EXOSC8: variants seen among roughly 807,000 people sequenced by gnomAD.
EXOSC8 encodes the protein exosome complex component RRP43.
In EXOSC8, 37 loss-of-function variants were observed where a neutral mutation model predicts 39.9. That is an observed-to-expected ratio of 0.93 (90% CI 0.71 to 1.22). The LOEUF is 1.22. Among genes scored for constraint, EXOSC8 ranks in the 50% most tolerant of loss-of-function variants. EXOSC8 has a pLI of 0.00. For missense variants in EXOSC8, 313 were observed against 326.6 expected (o/e 0.96, Z 0.32); for synonymous variants, 93 against 109.5 (o/e 0.85, Z 0.94).
At chr13:37,009,086 T>TGAC in intron 10 of EXOSC8, 98 bp from the exon 11 acceptor site, 1 of 803,324 alleles carries the variant, frequency 1.2e-6, no homozygotes, top group Non-Finnish European at 2.0e-6. Context: ...CTGATTTACA[T>TGAC]TATCCAATTT....
rs759103116 is a variant in EXOSC8, at chr13:37,002,530, A to G, written c.97A>G (p.Arg33Gly). Residue 33 changes from arginine to glycine, a missense_variant, in exon 3 of 11, where the codon AGA (arginine) becomes GGA (glycine). Coordinates refer to ENST00000389704, the MANE Select transcript of EXOSC8 (RefSeq NM_181503.3). ...RPDGRELGEF[R>G]TTTVNIGSIS... ...TGATGGAAGAGAACTTGGTGAATTCAGAACCACAACTGTCAACATCGGTAA... is the reference window on the plus strand; with the variant it reads ...TGATGGAAGAGAACTTGGTGAATTCGGAACCACAACTGTCAACATCGGTAA... 1 of 1,593,022 alleles carries G rather than the reference A, an allele frequency of 6.3e-7. No individual in the cohort carries two copies. The highest frequency in any genetic ancestry group is 8.6e-7 in the Non-Finnish European group (1 of 1,168,376).
rs775590997 is a variant in EXOSC8 at position 37,008,076 on chromosome 13, T to A, written c.507T>A (p.Thr169=). Residue 169 remains threonine (T), a synonymous_variant, in exon 9 of 11, where the codon ACT becomes ACA. Transcript: ENST00000389704. ...ALKNVQLPEV[T]INEETALAEV... is the part of the protein sequence containing the mutation. ...TCTTAGTACAGTTGCCTGAAGTTAC[T>A]ATAAATGAAGAAACTGCTTTAGCAG... The A allele has an allele frequency of 5.6e-6, 9 of 1,597,006 alleles. 1 individual carries two copies. In the South Asian group the frequency reaches 1.0e-4, roughly 18 times the overall value.
intron 4 of EXOSC8, chr13:37,003,708 A>G (rs948219993): frequency 6.6e-5 from 10 of 152,282 alleles, no homozygotes; most frequent in Admixed American, 2.6e-4. Flanking sequence ...TAACAGGTCT[A>G]TCTCATTTGG....
chr13:37,009,160 A>G, intron 10 of EXOSC8, 24 bp from the exon 11 acceptor site: 1 of 1,443,226 alleles, frequency 6.9e-7, no homozygotes, highest in Middle Eastern at 1.8e-4. Flanking sequence ...TGAGATTAAA[A>G]GTATTGGCAA....
chr13:37,001,998 G>A (rs1283319886), intron 1 of EXOSC8, among the ~76,000 whole-genome samples: 1 of 152,052 alleles, frequency 6.6e-6, no homozygotes, highest in Non-Finnish European at 1.5e-5. Context: ...TTGTTTCAGA[G>A]CAAGAACGAC....
chr13:37,006,891 T>G, intron 7 of EXOSC8, 84 bp from the exon 8 acceptor site: 1 of 804,164 alleles, frequency 1.2e-6, no homozygotes, highest in African/African-American at 1.7e-5. Context: ...TAACCAAGGG[T>G]TCTGTGGTTC....
Position 37,009,254 on chromosome 13 carries a change from T to C in EXOSC8, c.786T>C (p.Val262=), listed in dbSNP as rs775092987. ...MSRAVTRHKE[V]KKLMDEVIKS... ...GAGCAGTTACAAGACACAAAGAAGTTAAAAAACTGATGGATGAAGTAATTA... is the reference window on the plus strand; with the variant it reads ...GAGCAGTTACAAGACACAAAGAAGTCAAAAAACTGATGGATGAAGTAATTA... The change falls in exon 11 of 11, where the codon GTT becomes GTC. Residue 262 remains valine (V), a synonymous_variant. Transcript: ENST00000389704. 1 of 1,613,104 alleles carries C rather than the reference T, an allele frequency of 6.2e-7. No homozygotes were observed. The highest frequency in any genetic ancestry group is 8.5e-7 in the Non-Finnish European group (1 of 1,179,298).
At chr13:37,002,219 TTTATG>T (rs1188956062) in intron 1 of EXOSC8, 49 bp from the exon 2 acceptor site, 6 of 1,370,706 alleles carry the variant, frequency 4.4e-6, no homozygotes, top group Non-Finnish European at 6.2e-6. Context: ...AATTTCTGGA[TTTATG>T]TTAAGATTCA....
intron 9 of EXOSC8, 26 bp downstream of exon 9, chr13:37,008,203 A>G: frequency 6.4e-7 from 1 of 1,568,460 alleles, no homozygotes; most frequent in South Asian, 1.2e-5. Flanking sequence ...TTACTTTAAA[A>G]TTTTCTATAT....
chr13:37,005,136 A>C (rs2059129886), intron 5 of EXOSC8, among the ~76,000 whole-genome samples: 1 of 152,084 alleles, frequency 6.6e-6, no homozygotes, highest in Non-Finnish European at 1.5e-5. Flanking sequence ...AATAGAATGG[A>C]ATTTTTTTAA....
At chr13:37,006,094 G>T in intron 6 of EXOSC8, 21 bp from the exon 7 acceptor site, 1 of 1,605,164 alleles carries the variant, frequency 6.2e-7, no homozygotes, top group South Asian at 1.1e-5. Flanking sequence ...CATTTACTTT[G>T]CTCTTTGTCA....
rs112664342 is a variant in EXOSC8, at chr13:37,004,433, A to C, written c.193-83A>C. 4,544 of 901,322 alleles carry C rather than the reference A, an allele frequency of 5.0e-3. 136 individuals are homozygous for C. In the African/African-American group the frequency reaches 0.065, roughly 13 times the overall value. 55.8% of individuals were successfully genotyped at this position (901,322 alleles called of 1,614,324 possible). On this transcript the variant is annotated intron_variant, in intron 4 of 10. Coordinates refer to ENST00000389704, the MANE Select transcript of EXOSC8 (RefSeq NM_181503.3). Reference sequence around the variant, plus strand: ...AATTCCCTAAGCTGATATTTGATAGAGCCTTCCATAACTGATTGCTAAATT... The same window carrying C: ...AATTCCCTAAGCTGATATTTGATAGCGCCTTCCATAACTGATTGCTAAATT...
Position 37,002,959 on chromosome 13 carries a change from T to C in EXOSC8, c.144T>C (p.Ser48=). Reference sequence around the variant, plus strand: ...GTTCAATTAGTACCGCAGATGGTTCTGCTTTAGTGAAGTTGGGAAATACTA... The same window carrying C: ...GTTCAATTAGTACCGCAGATGGTTCCGCTTTAGTGAAGTTGGGAAATACTA... ...NIGSISTADG[S]ALVKLGNTTV... is the part of the protein sequence containing the mutation. The change falls in exon 4 of 11, where the codon TCT becomes TCC. Residue 48 remains serine (S), a synonymous_variant. Transcript: ENST00000389704. 1 of 1,611,380 alleles carries C rather than the reference T, an allele frequency of 6.2e-7. No individual in the cohort carries two copies. The highest frequency in any genetic ancestry group is 1.3e-5 in the African/African-American group (1 of 74,994).
At chr13:37,004,943 C>T (rs961267630) in intron 5 of EXOSC8, among the ~76,000 whole-genome samples, 4 of 152,006 alleles carry the variant, frequency 2.6e-5, no homozygotes, top group Admixed American at 1.3e-4. Flanking sequence ...AAGGAGACCC[C>T]GTATCTACAA....
chr13:37,006,206 A>C, intron 7 of EXOSC8, 46 bp downstream of exon 7: 1 of 1,235,946 alleles, frequency 8.1e-7, no homozygotes, highest in South Asian at 1.5e-5. Flanking sequence ...TTCTGAAGGG[A>C]TTTTTTTTTT....
intron 4 of EXOSC8, chr13:37,004,147 C>G (rs1029499480): frequency 6.1e-6 from 1 of 163,042 alleles, no homozygotes; most frequent in African/African-American, 2.4e-5. Context: ...GCTGGGATTA[C>G]CGGTGTGAGC....
At chr13:37,006,607 T>TA (rs1249826495) in intron 7 of EXOSC8, among the ~76,000 whole-genome samples, 1 of 152,314 alleles carries the variant, frequency 6.6e-6, no homozygotes, top group Admixed American at 6.5e-5. Flanking sequence ...CTGTAAAACT[T>TA]AAACATTTCA....
chr13:37,001,202 A>C (rs2059101265), intron 1 of EXOSC8, among the ~76,000 whole-genome samples: 1 of 152,178 alleles, frequency 6.6e-6, no homozygotes, highest in Non-Finnish European at 1.5e-5. Context: ...TGACGTCAGG[A>C]GTTCGAGACC....
chr13:37,004,908 C>T (rs1460781943), intron 5 of EXOSC8, among the ~76,000 whole-genome samples: 1 of 152,112 alleles, frequency 6.6e-6, no homozygotes, highest in Non-Finnish European at 1.5e-5. Context: ...TTCAGCCCAG[C>T]AGTTCAAGAC....
Sources: allele counts gnomAD v4.1 joint callset (sites outside exome capture counted in the v4.1 genomes callset), GRCh38; gene constraint gnomAD v4.1.1; transcripts MANE v1.5; gene names NCBI Gene and HGNC (gene_info 2026-07-23, HGNC 2026-07-21).